Variants in TAFA1 observed in about 807,000 individuals in gnomAD.
TAFA1 encodes the protein chemokine-like protein TAFA-1.
In TAFA1, 4 loss-of-function variants were observed where a neutral mutation model predicts 18.5. The ratio of observed to expected loss-of-function variants is 0.22; its 90% confidence interval spans 0.11 to 0.49. The LOEUF is 0.49. Ranked by LOEUF, TAFA1 falls within the 20% of genes least tolerant of loss-of-function variation. The probability of loss-of-function intolerance (pLI) is 0.98; values close to 1 mark genes in which losing one functional copy is unlikely to be tolerated. For missense variants in TAFA1, 147 were observed against 169.0 expected (o/e 0.87, Z 0.72); for synonymous variants, 56 against 55.2 (o/e 1.01, Z -0.06).
chr3:68,335,012 C>G (rs2068947038), intron 2 of TAFA1, among the ~76,000 whole-genome samples: 1 of 152,124 alleles, frequency 6.6e-6, no homozygotes, highest in Non-Finnish European at 1.5e-5. Flanking sequence ...AGAGCAGAAC[C>G]ATAGATTAGT....
At chr3:68,240,466 G>A (rs1209467287) in intron 2 of TAFA1, among the ~76,000 whole-genome samples, 1 of 152,164 alleles carries the variant, frequency 6.6e-6, no homozygotes, top group African/African-American at 2.4e-5. Context: ...AGCAGCAGAA[G>A]ATGTATGATT....
intron 2 of TAFA1, among the ~76,000 whole-genome samples, chr3:68,342,425 C>T (rs545229168): frequency 6.6e-6 from 1 of 152,284 alleles, no homozygotes; most frequent in South Asian, 2.1e-4. Flanking sequence ...CATATCAGTG[C>T]AGCAAGATGG....
chr3:68,401,635 A>G (rs532813771), intron 2 of TAFA1, among the ~76,000 whole-genome samples: 1 of 152,324 alleles, frequency 6.6e-6, no homozygotes, highest in African/African-American at 2.4e-5. Flanking sequence ...GAGGAAAACA[A>G]TCTACTACTT....
chr3:68,028,076 G>T (rs1007650322), intron 2 of TAFA1, among the ~76,000 whole-genome samples: 1 of 152,140 alleles, frequency 6.6e-6, no homozygotes. Context: ...GAGGCGGGTG[G>T]ACCACTTGAG....
chr3:68,036,920 T>C (rs781747582), intron 2 of TAFA1, among the ~76,000 whole-genome samples: 2 of 152,210 alleles, frequency 1.3e-5, no homozygotes, highest in African/African-American at 2.4e-5. Context: ...CATTCACTTA[T>C]TGAGCACTTA....
chr3:68,446,996 G>A (rs1210914696), intron 3 of TAFA1, among the ~76,000 whole-genome samples: 1 of 152,198 alleles, frequency 6.6e-6, no homozygotes. Flanking sequence ...TTTTCCAACA[G>A]TGAAAGTTGG....
chr3:68,486,437 C>G (rs1273668628), intron 3 of TAFA1, among the ~76,000 whole-genome samples: 1 of 152,122 alleles, frequency 6.6e-6, no homozygotes, highest in Non-Finnish European at 1.5e-5. Context: ...ATTTGCAGCA[C>G]CTGATCTGTA....
At chr3:68,080,357 T>A (rs1326215995) in intron 2 of TAFA1, among the ~76,000 whole-genome samples, 2 of 152,172 alleles carry the variant, frequency 1.3e-5, no homozygotes, top group African/African-American at 2.4e-5. Context: ...CCTGTCATTA[T>A]GAGGTTAGCT....
chr3:68,416,451 T>A (rs146838638), intron 2 of TAFA1, among the ~76,000 whole-genome samples: 3 of 152,198 alleles, frequency 2.0e-5, no homozygotes, highest in Non-Finnish European at 4.4e-5. Context: ...AAATTTGATG[T>A]TGAGAAAGTT....
At chr3:68,517,829 G>C (rs1405589896) in intron 3 of TAFA1, among the ~76,000 whole-genome samples, 1 of 152,064 alleles carries the variant, frequency 6.6e-6, no homozygotes, top group African/African-American at 2.4e-5. Flanking sequence ...AATTGCATTT[G>C]TATAAGGCCT....
At chr3:68,092,376 G>C (rs372692214) in intron 2 of TAFA1, among the ~76,000 whole-genome samples, 1 of 152,108 alleles carries the variant, frequency 6.6e-6, no homozygotes, top group East Asian at 1.9e-4. Flanking sequence ...AAGTCAGAAA[G>C]ATCTAGAAGC....
At chr3:68,283,012 G>A (rs751500) in intron 2 of TAFA1, among the ~76,000 whole-genome samples, 2,201 of 152,172 alleles carry the variant, frequency 0.014, 63 homozygotes, top group South Asian at 0.099. Context: ...GAATCCAAAG[G>A]AATCCTATTG....
chr3:68,327,237 C>T (rs1024695539), intron 2 of TAFA1, among the ~76,000 whole-genome samples: 7 of 152,118 alleles, frequency 4.6e-5, no homozygotes, highest in Admixed American at 2.0e-4. Context: ...AATTGTCAGT[C>T]TCAGGTATGT....
At chr3:68,012,057 T>C (rs1206061365) in intron 2 of TAFA1, among the ~76,000 whole-genome samples, 1 of 152,238 alleles carries the variant, frequency 6.6e-6, no homozygotes, top group Non-Finnish European at 1.5e-5. Context: ...TAGCCTTTAA[T>C]TGTTAATTTC....
chr3:68,025,356 C>A (rs1031367443), intron 2 of TAFA1, among the ~76,000 whole-genome samples: 5 of 152,172 alleles, frequency 3.3e-5, no homozygotes, highest in African/African-American at 1.2e-4. Flanking sequence ...ACTTCCTCTA[C>A]GTGGATTATA....
chr3:68,374,147 G>A (rs901707169), intron 2 of TAFA1, among the ~76,000 whole-genome samples: 1 of 152,108 alleles, frequency 6.6e-6, no homozygotes, highest in African/African-American at 2.4e-5. Context: ...GTGAAACGTA[G>A]CCACCCACAA....
intron 3 of TAFA1, among the ~76,000 whole-genome samples, chr3:68,446,098 G>C (rs2106881820): frequency 6.6e-6 from 1 of 152,022 alleles, no homozygotes; most frequent in African/African-American, 2.4e-5. Flanking sequence ...GTAGTGATGG[G>C]GTCTTGCTAT....
At chr3:68,383,056 T>A (rs2106679416) in intron 2 of TAFA1, among the ~76,000 whole-genome samples, 1 of 152,318 alleles carries the variant, frequency 6.6e-6, no homozygotes, top group East Asian at 1.9e-4. Flanking sequence ...TGATTTTGTA[T>A]CCTGAGACTT....
At chr3:68,102,269 T>C (rs1261040662) in intron 2 of TAFA1, among the ~76,000 whole-genome samples, 1 of 152,152 alleles carries the variant, frequency 6.6e-6, no homozygotes, top group Non-Finnish European at 1.5e-5. Flanking sequence ...TCTCCTACTA[T>C]GAAAGTTCTA....
Sources: gnomAD v4.1 joint callset for allele counts (sites outside exome capture counted in the v4.1 genomes callset) on GRCh38, gnomAD v4.1.1 for gene constraint, MANE v1.5 for transcripts, NCBI Gene and HGNC (gene_info 2026-07-23, HGNC 2026-07-21) for gene names.